Variants in ADGRB3 observed in about 807,000 individuals in gnomAD.
The protein encoded by ADGRB3 is brain-specific angiogenesis inhibitor 3.
In ADGRB3, 37 loss-of-function variants were observed where a neutral mutation model predicts 193.4. The observed-to-expected ratio is 0.19, with a 90% CI of 0.15 to 0.25. The LOEUF is 0.25. Ranked by LOEUF, ADGRB3 falls within the 10% of genes least tolerant of loss-of-function variation. The pLI is 1.00. For synonymous variants in ADGRB3, 690 were observed against 644.2 expected (o/e 1.07, Z -1.08); for missense variants, 1,637 against 1,852.9 (o/e 0.88, Z 2.14).
At chr6:69,350,541 A>G (rs1283955749) in intron 26 of ADGRB3, among the ~76,000 whole-genome samples, 1 of 152,112 alleles carries the variant, frequency 6.6e-6, no homozygotes, top group Non-Finnish European at 1.5e-5. Flanking sequence ...AAAAAATTGC[A>G]TTTACTGGTA....
At chr6:68,926,044 A>G (rs1767169798) in intron 3 of ADGRB3, among the ~76,000 whole-genome samples, 2 of 152,094 alleles carry the variant, frequency 1.3e-5, no homozygotes, top group Admixed American at 6.6e-5. Flanking sequence ...CTAATTTTCA[A>G]GTACTTCACA....
chr6:68,875,918 A>G (rs1380074608), intron 3 of ADGRB3, among the ~76,000 whole-genome samples: 5 of 152,156 alleles, frequency 3.3e-5, no homozygotes. Context: ...TGCTGTTGTC[A>G]TCCATATACT....
chr6:69,021,334 C>T (rs988793241), intron 13 of ADGRB3, among the ~76,000 whole-genome samples: 1 of 151,812 alleles, frequency 6.6e-6, no homozygotes, highest in Admixed American at 6.6e-5. Flanking sequence ...ATAGTACACT[C>T]CTGAAGGAAG....
intron 10 of ADGRB3, among the ~76,000 whole-genome samples, chr6:68,987,477 A>G (rs976901120): frequency 2.6e-5 from 4 of 152,136 alleles, no homozygotes; most frequent in Non-Finnish European, 5.9e-5. Flanking sequence ...TTTCTCCTTA[A>G]CGCAAACATG....
At chr6:68,908,972 C>G (rs1237552929) in intron 3 of ADGRB3, among the ~76,000 whole-genome samples, 1 of 152,134 alleles carries the variant, frequency 6.6e-6, no homozygotes, top group African/African-American at 2.4e-5. Context: ...CTGAGACCCC[C>G]TCTTTTTCTT....
intron 3 of ADGRB3, among the ~76,000 whole-genome samples, chr6:68,689,922 T>C (rs2127301350): frequency 6.6e-6 from 1 of 152,306 alleles, no homozygotes; most frequent in Middle Eastern, 3.4e-3. Flanking sequence ...TGCCTGTCTC[T>C]TCACATATTT....
At chr6:69,023,889 G>C (rs1190748655) in intron 13 of ADGRB3, among the ~76,000 whole-genome samples, 2 of 152,054 alleles carry the variant, frequency 1.3e-5, no homozygotes, top group Non-Finnish European at 2.9e-5. Context: ...TAACTGACTG[G>C]GGTGTGAGAG....
At chr6:69,127,341 G>T (rs752882128) in intron 17 of ADGRB3, among the ~76,000 whole-genome samples, 2 of 152,056 alleles carry the variant, frequency 1.3e-5, no homozygotes, top group Non-Finnish European at 2.9e-5. Flanking sequence ...TATATTTTAG[G>T]CAATCAATAA....
rs776922083 is a variant in ADGRB3, at chr6:69,239,194, A to T, written c.2782A>T (p.Ile928Leu). The T allele has an allele frequency of 1.9e-6, 3 of 1,595,084 alleles. No homozygotes were observed. Among genetic ancestry groups the T allele is most frequent in the Non-Finnish European group, 8.6e-7 (1 of 1,163,560 alleles). ...GTCTATCATCTCATCCAATATCCTC[A>T]TACTGGTTGGACAGACTCAGACACA... ...CLSIISSNIL[I>L]LVGQTQTHNK... The change falls in exon 20 of 32, where the codon ATA becomes TTA. Residue 928 changes from isoleucine (I) to leucine (L), a missense_variant. Coordinates refer to ENST00000370598, the MANE Select transcript of ADGRB3 (RefSeq NM_001704.3).
chr6:68,974,823 C>T lies in ADGRB3; in HGVS notation c.1586C>T (p.Ala529Val), dbSNP rs762484932. The change falls in exon 9 of 32, where the codon GCA becomes GTA. Residue 529 changes from alanine (A) to valine (V), a missense_variant. Physicochemically the swap from Ala to Val is moderately conservative, Grantham distance 64 (BLOSUM62 0). Around this residue, in one of 7 missense-constraint regions of ADGRB3, gnomAD observed 641 missense variants for 673.9 expected, o/e 0.95. Transcript: ENST00000370598. ...TCGATGGTGTGGAAAAGAACTCCAG[C>T]AGGCGACTTGGCATTCAATCAATGT... ...LMSMVWKRTP[A>V]GDLAFNQCPL... The T allele has an allele frequency of 8.1e-6, 13 of 1,613,952 alleles. No individual in the cohort carries two copies. The highest frequency in any genetic ancestry group is 1.0e-5 in the Non-Finnish European group (12 of 1,179,904).
intron 28 of ADGRB3, among the ~76,000 whole-genome samples, chr6:69,357,582 G>A (rs2127329775): frequency 6.6e-6 from 1 of 151,964 alleles, no homozygotes; most frequent in Admixed American, 6.6e-5. Context: ...CCTCTACATG[G>A]AGCTTTCAGA....
intron 29 of ADGRB3, among the ~76,000 whole-genome samples, chr6:69,368,438 C>T (rs1181585326): frequency 1.3e-5 from 2 of 151,946 alleles, no homozygotes; most frequent in African/African-American, 2.4e-5. Context: ...ATGTGGAAAA[C>T]GAGGGACAGA....
At chr6:69,029,501 A>G (rs1770556446) in intron 13 of ADGRB3, among the ~76,000 whole-genome samples, 1 of 152,238 alleles carries the variant, frequency 6.6e-6, no homozygotes, top group Non-Finnish European at 1.5e-5. Context: ...CTCATAGTCT[A>G]AAGAAACCTA....
intron 3 of ADGRB3, among the ~76,000 whole-genome samples, chr6:68,898,274 G>T (rs1460651467): frequency 2.6e-5 from 4 of 151,980 alleles, no homozygotes; most frequent in Non-Finnish European, 5.9e-5. Flanking sequence ...GGATGTCCTA[G>T]CTCCAGAAGA....
chr6:69,087,828 G>C (rs532002186), intron 17 of ADGRB3, among the ~76,000 whole-genome samples: 1 of 152,146 alleles, frequency 6.6e-6, no homozygotes, highest in South Asian at 2.1e-4. Context: ...ATGAGTCTAC[G>C]TCACAGGTGA....
Position 68,844,122 on chromosome 6 carries a change from T to C in ADGRB3, c.758-86437T>C, listed in dbSNP as rs115471444. On this transcript the variant is annotated intron_variant, in intron 3 of 31. Coordinates refer to ENST00000370598, the MANE Select transcript of ADGRB3 (RefSeq NM_001704.3). ...GGACATTGGTCTGGGCAAAGATTTC[T>C]TGAATAATACCCCACAAGTAGAGGC... is the stretch of plus-strand genomic sequence containing the variant. Among the ~76,000 whole-genome samples the C allele has an allele frequency of 5.2e-3, 797 of 152,254 alleles. 7 individuals are homozygous for C. Among genetic ancestry groups the C allele is most frequent in the African/African-American group, 0.018 (749 of 41,554 alleles).
chr6:68,653,667 C>T (rs1561983965), intron 3 of ADGRB3, among the ~76,000 whole-genome samples: 1 of 151,988 alleles, frequency 6.6e-6, no homozygotes, highest in Non-Finnish European at 1.5e-5. Flanking sequence ...TAAAGATACT[C>T]GAGTTTTTCT....
intron 17 of ADGRB3, among the ~76,000 whole-genome samples, chr6:69,153,868 C>G (rs1316708517): frequency 6.6e-6 from 1 of 152,044 alleles, no homozygotes; most frequent in Non-Finnish European, 1.5e-5. Context: ...TGGCATGTGC[C>G]TGTAGTCCCA....
intron 20 of ADGRB3, among the ~76,000 whole-genome samples, chr6:69,310,197 T>C (rs568811529): frequency 6.6e-5 from 10 of 151,742 alleles, no homozygotes; most frequent in Non-Finnish European, 1.3e-4. Context: ...TTGTTGGCAC[T>C]TTTTTCCTCT....
Sources: gnomAD v4.1 joint callset for allele counts (sites outside exome capture counted in the v4.1 genomes callset) on GRCh38, gnomAD v4.1.1 for gene constraint, gnomAD v4.1.1 regional missense constraint, MANE v1.5 for transcripts, NCBI Gene and HGNC (gene_info 2026-07-23, HGNC 2026-07-21) for gene names.